CACNB2: variants seen among roughly 807,000 people sequenced by gnomAD.
The protein encoded by CACNB2 is calcium voltage-gated channel auxiliary subunit beta 2, also known as voltage-dependent L-type calcium channel subunit beta-2.
In CACNB2, 42 loss-of-function variants were observed where a neutral mutation model predicts 73.3. The ratio of observed to expected loss-of-function variants is 0.57; its 90% CI spans 0.45 to 0.74. CACNB2 has a LOEUF of 0.74. Among genes scored for constraint, CACNB2 ranks in the 30% least tolerant of loss-of-function variants. CACNB2 has a pLI of 0.00. For missense variants in CACNB2, 940 were observed against 853.0 expected (o/e 1.10, Z -1.27); for synonymous variants, 348 against 310.3 (o/e 1.12, Z -1.28).
At chr10:18,478,207 C>T (rs1256907112) in intron 3 of CACNB2, among the ~76,000 whole-genome samples, 1 of 152,222 alleles carries the variant, frequency 6.6e-6, no homozygotes, top group African/African-American at 2.4e-5. Flanking sequence ...GCTGGGATTA[C>T]AGGCGTGAGC....
At chr10:18,177,254 AACAAAC>A (rs1242483877) in intron 2 of CACNB2, among the ~76,000 whole-genome samples, 1 of 152,094 alleles carries the variant, frequency 6.6e-6, no homozygotes, top group African/African-American at 2.4e-5. Flanking sequence ...ACCTGAGAAA[AACAAAC>A]ACGTGCCTCA....
At chr10:18,292,261 G>A (rs776271577) in intron 2 of CACNB2, among the ~76,000 whole-genome samples, 19 of 152,026 alleles carry the variant, frequency 1.2e-4, no homozygotes, top group African/African-American at 1.9e-4. Flanking sequence ...TTAATTTTAC[G>A]TATCTAAGTA....
chr10:18,220,979 T>C (rs2035770101), intron 2 of CACNB2, among the ~76,000 whole-genome samples: 2 of 152,142 alleles, frequency 1.3e-5, no homozygotes, highest in South Asian at 4.1e-4. Context: ...GGTTCCCTTT[T>C]ATAGAAAAAT....
intron 3 of CACNB2, among the ~76,000 whole-genome samples, chr10:18,467,122 A>G (rs1332487282): frequency 6.6e-6 from 1 of 152,174 alleles, no homozygotes; most frequent in South Asian, 2.1e-4. Flanking sequence ...ACACTGCACT[A>G]CAGCCCAGGC....
chr10:18,176,760 C>T (rs1247528110), intron 2 of CACNB2, among the ~76,000 whole-genome samples: 4 of 151,516 alleles, frequency 2.6e-5, no homozygotes, highest in Admixed American at 2.6e-4. Flanking sequence ...AGGTGCTAGC[C>T]TATGGGCAGC....
At chr10:18,431,647 G>A (rs1297163854) in intron 3 of CACNB2, among the ~76,000 whole-genome samples, 3 of 152,136 alleles carry the variant, frequency 2.0e-5, no homozygotes, top group African/African-American at 7.2e-5. Context: ...AAGCCAAAAT[G>A]AGGAAGTTAA....
At chr10:18,197,964 T>C (rs2034701617) in intron 2 of CACNB2, among the ~76,000 whole-genome samples, 1 of 148,140 alleles carries the variant, frequency 6.8e-6, no homozygotes, top group Non-Finnish European at 1.5e-5. Flanking sequence ...TTATAATCAA[T>C]ATACTTAATT....
rs1564353530 is a variant in CACNB2 at position 18,220,180 on chromosome 10, T to TATATAC, written c.213+69211_213+69216dup. On this transcript the variant is annotated intron_variant, in intron 2 of 13. Transcript: ENST00000324631. ...ACACACACACACACACACATACATA[T>TATATAC]ATATACATATATATGTGTGTGTATA... Among the ~76,000 whole-genome samples, 7 of 77,342 alleles carry TATATAC rather than the reference T, an allele frequency of 9.1e-5. 1 individual carries two copies. The highest frequency in any genetic ancestry group is 4.7e-4 in the African/African-American group (6 of 12,816). 50.7% of individuals were successfully genotyped at this position (77,342 alleles called of 152,430 possible).
intron 12 of CACNB2, 47 bp downstream of exon 12, chr10:18,536,243 C>CTGTTTTTT (rs2053562408): frequency 4.0e-6 from 1 of 248,580 alleles, no homozygotes; most frequent in African/African-American, 6.8e-5. Context: ...GAGATCAGAC[C>CTGTTTTTT]TTTTTTTTTT....
At chr10:18,488,388 T>A (rs1289760661) in intron 3 of CACNB2, among the ~76,000 whole-genome samples, 4 of 134,584 alleles carry the variant, frequency 3.0e-5, no homozygotes, top group African/African-American at 1.1e-4. Context: ...GGCAGGAGAA[T>A]GACGTGAACC....
intron 6 of CACNB2, among the ~76,000 whole-genome samples, chr10:18,507,419 C>G (rs777215120): frequency 1.3e-5 from 2 of 152,124 alleles, no homozygotes; most frequent in Admixed American, 6.5e-5. Flanking sequence ...ATAAAGCACA[C>G]CTACTTAAAT....
intron 7 of CACNB2, chr10:18,515,032 G>C: frequency 6.2e-7 from 1 of 1,613,180 alleles, no homozygotes; most frequent in Non-Finnish European, 8.5e-7. Context: ...GCTTGTTTTG[G>C]CGGTTTACTG....
At chr10:18,521,221 C>A (rs542367204) in intron 9 of CACNB2, among the ~76,000 whole-genome samples, 2 of 152,230 alleles carry the variant, frequency 1.3e-5, no homozygotes, top group African/African-American at 4.8e-5. Flanking sequence ...TATGCATGCA[C>A]AAGGTGCAGG....
At chr10:18,301,806 G>A (rs1230236166) in intron 2 of CACNB2, among the ~76,000 whole-genome samples, 8 of 151,772 alleles carry the variant, frequency 5.3e-5, no homozygotes, top group East Asian at 4.0e-4. Flanking sequence ...CTGCCACCAC[G>A]CACAGCTAAT....
In CACNB2 at chr10:18,235,448, A is replaced by G. The variant is rs116042000; in HGVS notation, c.213+84473A>G. 6.8e-3 allele frequency among the ~76,000 whole-genome samples: 1,032 copies of G among 152,310 alleles called. 14 individuals carry two copies. The highest frequency in any genetic ancestry group is 0.024 in the African/African-American group (978 of 41,566). ...ACTCCAGCCTGGGAGACAAAGCAAG[A>G]CCCTGTCTCTAAATTTTTTAAATTA... On this transcript the variant is annotated intron_variant, in intron 2 of 13. Transcript: ENST00000324631.
chr10:18,225,621 C>G (rs1163689935), intron 2 of CACNB2, among the ~76,000 whole-genome samples: 1 of 142,788 alleles, frequency 7.0e-6, no homozygotes, highest in South Asian at 2.5e-4. Flanking sequence ...TCGTTTCTTC[C>G]TTCCTTCCTT....
chr10:18,194,479 A>G (rs1401860849), intron 2 of CACNB2, among the ~76,000 whole-genome samples: 1 of 152,172 alleles, frequency 6.6e-6, no homozygotes, highest in Non-Finnish European at 1.5e-5. Flanking sequence ...TTTATAGCTC[A>G]GACAATTTGT....
At chr10:18,371,378 C>T (rs1006645623) in intron 2 of CACNB2, among the ~76,000 whole-genome samples, 5 of 152,088 alleles carry the variant, frequency 3.3e-5, no homozygotes, top group Non-Finnish European at 7.4e-5. Context: ...CCACAACGGG[C>T]CCCGGTGTGT....
intron 2 of CACNB2, among the ~76,000 whole-genome samples, chr10:18,311,976 A>G (rs1750477): frequency 0.7 from 106,294 of 152,076 alleles, 38,348 homozygotes; most frequent in Non-Finnish European, 0.79. Context: ...GTCCCCTTCT[A>G]TACTTCTGGG....
Sources: gnomAD v4.1 joint callset for allele counts (sites outside exome capture counted in the v4.1 genomes callset) on GRCh38, gnomAD v4.1.1 for gene constraint, MANE v1.5 for transcripts, NCBI Gene and HGNC (gene_info 2026-07-23, HGNC 2026-07-21) for gene names.